The following CSMD3 variants were observed in gnomAD, a reference collection of about 807,000 sequenced individuals.
The protein encoded by CSMD3 is CUB and Sushi multiple domains 3, also known as CUB and sushi domain-containing protein 3.
A neutral mutation model predicts 435.2 loss-of-function variants in CSMD3; 177 were observed. That is an observed-to-expected ratio of 0.41 (90% CI 0.36 to 0.46). The LOEUF is 0.46. CSMD3 is among the 20% of genes least tolerant of loss of function. CSMD3 has a pLI of 0.34. For missense variants in CSMD3, 4,265 were observed against 4,504.6 expected (o/e 0.95, Z 1.52); for synonymous variants, 1,656 against 1,520.5 (o/e 1.09, Z -2.07).
chr8:112,394,001 T>C (rs1830662591), intron 35 of CSMD3, among the ~76,000 whole-genome samples: 1 of 152,126 alleles, frequency 6.6e-6, no homozygotes, highest in African/African-American at 2.4e-5. Flanking sequence ...CAGATGTTTA[T>C]CTCTAGCTGT....
In CSMD3 at chr8:112,661,775, G is replaced by A. The variant is rs78722677; in HGVS notation, c.2816+4502C>T. On this transcript the variant is annotated intron_variant, in intron 17 of 70. Coordinates refer to ENST00000297405, the MANE Select transcript of CSMD3 (RefSeq NM_198123.2). ...TTCCAGTTTCAGTCAGCTAGAAGGTGGGGAAGGGGTGAGGTCTTCATAAGA... is the reference window on the plus strand; with the variant it reads ...TTCCAGTTTCAGTCAGCTAGAAGGTAGGGAAGGGGTGAGGTCTTCATAAGA... 3.9e-3 allele frequency among the ~76,000 whole-genome samples: 594 copies of A among 152,110 alleles called. 6 individuals carry two copies. The highest frequency in any genetic ancestry group is 0.014 in the African/African-American group (569 of 41,496).
intron 36 of CSMD3, among the ~76,000 whole-genome samples, chr8:112,387,693 A>G (rs778259772): frequency 6.6e-6 from 1 of 152,178 alleles, no homozygotes; most frequent in East Asian, 1.9e-4. Flanking sequence ...GTCAATAAAC[A>G]AAGTCCTTCC....
At chr8:112,919,190 TTTA>T (rs894496677) in intron 10 of CSMD3, among the ~76,000 whole-genome samples, 3 of 152,006 alleles carry the variant, frequency 2.0e-5, no homozygotes, top group Admixed American at 6.6e-5. Flanking sequence ...ATGTGCTTTT[TTTA>T]TACTTCCTAT....
intron 32 of CSMD3, among the ~76,000 whole-genome samples, chr8:112,427,412 A>T (rs1216680455): frequency 6.6e-6 from 1 of 152,096 alleles, no homozygotes; most frequent in Admixed American, 6.6e-5. Flanking sequence ...TGATGTTTTC[A>T]TAAGGGGTTT....
At chr8:112,942,789 T>A (rs1416207586) in intron 9 of CSMD3, among the ~76,000 whole-genome samples, 2 of 151,742 alleles carry the variant, frequency 1.3e-5, no homozygotes, top group Non-Finnish European at 2.9e-5. Flanking sequence ...TGACAAAAAA[T>A]AATCTGTACA....
chr8:113,236,698 C>T (rs761041931), intron 3 of CSMD3, among the ~76,000 whole-genome samples: 35 of 152,104 alleles, frequency 2.3e-4, no homozygotes, highest in Non-Finnish European at 4.3e-4. Flanking sequence ...GACTTTTATA[C>T]TTGGACTGAG....
rs543725106 is a variant in CSMD3 at position 112,550,775 on chromosome 8, C to A, written c.4460G>T (p.Gly1487Val). 1 of 1,602,254 alleles carries A rather than the reference C, an allele frequency of 6.2e-7. No homozygotes were observed. Among genetic ancestry groups the A allele is most frequent in the Non-Finnish European group, 8.5e-7 (1 of 1,169,602 alleles). ...ENDMLLKEIS[G>V]SLIPEGIHST... The stretch of plus-strand genomic sequence containing the variant: ...ATGAATTCCTTCAGGAATAAGAGAT[C>A]CACTAATTTCCTTTAAAAGCATATC... The change falls in exon 27 of 71, where the codon GGA (glycine) becomes GTA (valine). Residue 1487 changes from glycine to valine, a missense_variant. Gly to Val is a moderately radical substitution (Grantham distance 109). Coordinates refer to ENST00000297405, the MANE Select transcript of CSMD3 (RefSeq NM_198123.2).
At chr8:113,301,777 CTT>C (rs1258908810) in intron 2 of CSMD3, among the ~76,000 whole-genome samples, 3 of 151,960 alleles carry the variant, frequency 2.0e-5, no homozygotes, top group Middle Eastern at 3.4e-3. Flanking sequence ...GGTTCAGTAT[CTT>C]TTAAATAACT....
chr8:112,719,231 G>T (rs2076802399), intron 13 of CSMD3, among the ~76,000 whole-genome samples: 2 of 152,238 alleles, frequency 1.3e-5, no homozygotes, highest in South Asian at 4.1e-4. Context: ...TTTTCGGTCA[G>T]ATTAGAAGAC....
chr8:113,299,477 T>A (rs1013194187), intron 2 of CSMD3, among the ~76,000 whole-genome samples: 9 of 152,158 alleles, frequency 5.9e-5, no homozygotes, highest in African/African-American at 2.2e-4. Flanking sequence ...CACAATATAT[T>A]TTTTGTTTGC....
At chr8:112,325,305 T>C (rs1823395505) in intron 45 of CSMD3, among the ~76,000 whole-genome samples, 1 of 152,114 alleles carries the variant, frequency 6.6e-6, no homozygotes, top group Admixed American at 6.6e-5. Context: ...TATAATTTTC[T>C]TTTGTCTTTC....
intron 24 of CSMD3, among the ~76,000 whole-genome samples, chr8:112,569,880 C>A (rs533737052): frequency 6.6e-6 from 1 of 152,110 alleles, no homozygotes; most frequent in Non-Finnish European, 1.5e-5. Flanking sequence ...TTTAATACGC[C>A]CTCCTTTATG....
chr8:112,763,270 T>G lies in CSMD3; in HGVS notation c.1972+36892A>C, dbSNP rs1437124476. 3.3e-5 allele frequency among the ~76,000 whole-genome samples: 5 copies of G among 151,550 alleles called. No individual in the cohort carries two copies. In the South Asian group the frequency reaches 1.0e-3, roughly 31 times the overall value. ...TTGTTGTGCATGTAACAAATTTGACTTGGACAAGTTAAGCTTAAAAATTTG... is the reference window on the plus strand; with the variant it reads ...TTGTTGTGCATGTAACAAATTTGACGTGGACAAGTTAAGCTTAAAAATTTG... On this transcript the variant is annotated intron_variant, in intron 13 of 70. Coordinates refer to ENST00000297405, the MANE Select transcript of CSMD3 (RefSeq NM_198123.2).
intron 30 of CSMD3, among the ~76,000 whole-genome samples, chr8:112,503,110 C>A (rs959376410): frequency 1.3e-5 from 2 of 152,140 alleles, no homozygotes; most frequent in African/African-American, 4.8e-5. Context: ...CTTAGAGACA[C>A]GGTCTTGCTC....
intron 12 of CSMD3, among the ~76,000 whole-genome samples, chr8:112,814,922 G>T (rs1021485498): frequency 6.6e-6 from 1 of 152,034 alleles, no homozygotes; most frequent in Admixed American, 6.6e-5. Flanking sequence ...CATGAGAATT[G>T]TAGTCCTATG....
At position 112,820,559 on chromosome 8, in the gene CSMD3, T is replaced by C. The variant is rs570733691; in HGVS notation, c.1859+9127A>G. ...ACTGATTAAAAAAAAACTTCCTAGA[T>C]TGCTCACACTCTCACTAAAGGGCAA... On this transcript the variant is annotated intron_variant, in intron 12 of 70. Transcript: ENST00000297405. Among the ~76,000 whole-genome samples, 3 of 152,116 alleles carry C rather than the reference T, an allele frequency of 2.0e-5. No homozygotes were observed. In the East Asian group the frequency reaches 5.8e-4, roughly 29 times the overall value.
intron 13 of CSMD3, among the ~76,000 whole-genome samples, chr8:112,734,889 C>T (rs954859220): frequency 3.9e-5 from 6 of 151,904 alleles, no homozygotes; most frequent in African/African-American, 1.4e-4. Flanking sequence ...TTCTATCATA[C>T]TCATTTTTCT....
rs757378608 is a variant in CSMD3 at position 112,636,995 on chromosome 8, A to G, written c.3537T>C (p.Leu1179=). ...GAATGCCAGGATCTTCACAAGGTTC[A>G]AGGTTATATTCTGTAAATTAGAGAG... ...GFNITFSEYN[L]EPCEDPGIPQ... is the part of the protein sequence containing the mutation. Residue 1179 remains leucine, a synonymous_variant, in exon 22 of 71, where the codon CTT becomes CTC. Coordinates refer to ENST00000297405, the MANE Select transcript of CSMD3 (RefSeq NM_198123.2). The G allele has an allele frequency of 6.2e-7, 1 of 1,613,652 alleles. No individual in the cohort carries two copies.
In CSMD3 at chr8:112,506,668, GAAAT is replaced by G. The variant is rs553704243; in HGVS notation, c.4895+19_4895+22del. 211 of 1,609,792 alleles carry G rather than the reference GAAAT, an allele frequency of 1.3e-4. No homozygotes were observed. In the African/African-American group the frequency reaches 2.4e-3, roughly 19 times the overall value. On this transcript the variant is annotated intron_variant, in intron 29 of 70. Transcript: ENST00000297405. Reference sequence around the variant, plus strand: ...CCTAACAATATATTTTTTTAACGTGGAAATAAATATATAAGAACTCACCTGATGA... The same window carrying G: ...CCTAACAATATATTTTTTTAACGTGGAAATATATAAGAACTCACCTGATGA...
Sources: allele counts gnomAD v4.1 joint callset (sites outside exome capture counted in the v4.1 genomes callset), GRCh38; gene constraint gnomAD v4.1.1; transcripts MANE v1.5; gene names NCBI Gene and HGNC (gene_info 2026-07-23, HGNC 2026-07-21).